Variants in SLC10A7 observed in about 807,000 individuals in gnomAD.
The protein encoded by SLC10A7 is sodium/bile acid cotransporter 7.
In SLC10A7, 29 loss-of-function variants were observed where a neutral mutation model predicts 43.2. That is an observed-to-expected ratio of 0.67 (90% CI 0.50 to 0.92). The LOEUF is 0.92. Among genes scored for constraint, SLC10A7 ranks in the 40% least tolerant of loss-of-function variants. The probability of loss-of-function intolerance (pLI) is 0.00; values close to 1 mark genes in which losing one functional copy is unlikely to be tolerated. For missense variants in SLC10A7, 295 were observed against 403.2 expected, an observed-to-expected ratio of 0.73 and a Z score of 2.30; for synonymous variants, 152 against 144.8, an observed-to-expected ratio of 1.05 and a Z score of -0.35.
At chr4:146,517,254 G>C in intron 1 of SLC10A7, 134 bp from the exon 2 acceptor site, 1 of 558,732 alleles carries the variant, frequency 1.8e-6, no homozygotes, top group Non-Finnish European at 3.1e-6. Flanking sequence ...CTTGAGGCCA[G>C]GAGTTCAAGA....
intron 4 of SLC10A7, among the ~76,000 whole-genome samples, chr4:146,480,338 G>A (rs1734363827): frequency 6.6e-6 from 1 of 151,648 alleles, no homozygotes; most frequent in African/African-American, 2.4e-5. Flanking sequence ...TATATAAATT[G>A]TGCTTCAGTT....
chr4:146,278,849 C>T (rs1274703513), intron 10 of SLC10A7, among the ~76,000 whole-genome samples: 1 of 152,096 alleles, frequency 6.6e-6, no homozygotes, highest in Admixed American at 6.6e-5. Flanking sequence ...GGAATCCAGA[C>T]TAGAATCAGG....
intron 4 of SLC10A7, among the ~76,000 whole-genome samples, chr4:146,497,753 C>G (rs1474301454): frequency 1.3e-5 from 2 of 152,118 alleles, no homozygotes; most frequent in Non-Finnish European, 2.9e-5. Context: ...ACATAACTCC[C>G]TCTCCAAACA....
chr4:146,516,546 T>C (rs1414453159), intron 2 of SLC10A7, among the ~76,000 whole-genome samples: 1 of 150,984 alleles, frequency 6.6e-6, no homozygotes, highest in African/African-American at 2.4e-5. Flanking sequence ...ATATTTCTCT[T>C]AAGACATCTA....
intron 5 of SLC10A7, among the ~76,000 whole-genome samples, chr4:146,330,393 C>A (rs1003064939): frequency 2.6e-5 from 4 of 152,154 alleles, no homozygotes; most frequent in African/African-American, 9.7e-5. Flanking sequence ...TTAAAATTGA[C>A]TTTTTAGATT....
chr4:146,501,021 C>G (rs1560970600), intron 4 of SLC10A7, among the ~76,000 whole-genome samples: 2 of 152,226 alleles, frequency 1.3e-5, no homozygotes, highest in Non-Finnish European at 2.9e-5. Context: ...CAGTGCTCCC[C>G]TCTTTTTCCT....
In SLC10A7 at chr4:146,517,125, A is replaced by G. The variant is rs1738080227; in HGVS notation, c.101-5T>C. The G allele has an allele frequency of 1.9e-6, 3 of 1,586,396 alleles. No homozygotes were observed. Among genetic ancestry groups the G allele is most frequent in the Non-Finnish European group, 2.6e-6 (3 of 1,165,998 alleles). ...TTATTTCTGGCTTCAGTGGTCCTAAAAAGAGAAAAAAGAGTTATTGCTAGA... is the reference window on the plus strand; with the variant it reads ...TTATTTCTGGCTTCAGTGGTCCTAAGAAGAGAAAAAAGAGTTATTGCTAGA... On this transcript the variant is annotated splice_region_variant and splice_polypyrimidine_tract_variant and intron_variant, in intron 1 of 11. Coordinates refer to ENST00000335472, the MANE Select transcript of SLC10A7 (RefSeq NM_001029998.6).
At chr4:146,346,028 C>T (rs749346431) in intron 5 of SLC10A7, among the ~76,000 whole-genome samples, 1 of 152,112 alleles carries the variant, frequency 6.6e-6, no homozygotes, top group Non-Finnish European at 1.5e-5. Flanking sequence ...AGGATTTGGA[C>T]TCCAACAGTT....
intron 5 of SLC10A7, among the ~76,000 whole-genome samples, chr4:146,369,221 C>T (rs1227648682): frequency 6.6e-6 from 1 of 152,130 alleles, no homozygotes; most frequent in African/African-American, 2.4e-5. Flanking sequence ...ATCTGTGTGA[C>T]CCTAAACATG....
chr4:146,342,427 T>C (rs879815508), intron 5 of SLC10A7, among the ~76,000 whole-genome samples: 5 of 151,410 alleles, frequency 3.3e-5, no homozygotes, highest in Non-Finnish European at 7.4e-5. Flanking sequence ...GAACAGCAAA[T>C]ACAAGAAAAA....
intron 5 of SLC10A7, among the ~76,000 whole-genome samples, chr4:146,432,102 T>C (rs1729824276): frequency 6.6e-6 from 1 of 152,144 alleles, no homozygotes. Flanking sequence ...ACACACCTAT[T>C]AGAATGGCTA....
At chr4:146,306,436 T>G (rs1159910020) in intron 6 of SLC10A7, among the ~76,000 whole-genome samples, 3 of 152,176 alleles carry the variant, frequency 2.0e-5, no homozygotes, top group East Asian at 1.9e-4. Flanking sequence ...AGTTTCTAAC[T>G]TTCTGACTCC....
chr4:146,494,378 G>A (rs373776479), intron 4 of SLC10A7, among the ~76,000 whole-genome samples: 13 of 151,962 alleles, frequency 8.6e-5, no homozygotes, highest in Admixed American at 3.9e-4. Context: ...CTGGAGTTAC[G>A]TAAATACTTC....
chr4:146,411,163 CT>C (rs1180429091), intron 5 of SLC10A7, among the ~76,000 whole-genome samples: 2 of 152,064 alleles, frequency 1.3e-5, no homozygotes, highest in Non-Finnish European at 2.9e-5. Context: ...AGGATTGCTT[CT>C]GTTTTCCTTT....
At chr4:146,377,194 G>A (rs1221013658) in intron 5 of SLC10A7, among the ~76,000 whole-genome samples, 4 of 152,042 alleles carry the variant, frequency 2.6e-5, no homozygotes, top group Non-Finnish European at 4.4e-5. Context: ...CTAATTAGAC[G>A]GGGAGGAAAG....
At chr4:146,480,526 G>A (rs1242388007) in intron 4 of SLC10A7, among the ~76,000 whole-genome samples, 1 of 152,136 alleles carries the variant, frequency 6.6e-6, no homozygotes, top group African/African-American at 2.4e-5. Flanking sequence ...GGCATCTCAT[G>A]AGCCAAGAAT....
At chr4:146,403,451 A>G (rs1048527674) in intron 5 of SLC10A7, among the ~76,000 whole-genome samples, 19 of 152,238 alleles carry the variant, frequency 1.2e-4, no homozygotes, top group African/African-American at 4.3e-4. Flanking sequence ...ATCTTGGCCA[A>G]TGATTAGAGT....
At chr4:146,264,542 G>T (rs1728437479) in intron 10 of SLC10A7, among the ~76,000 whole-genome samples, 1 of 151,938 alleles carries the variant, frequency 6.6e-6, no homozygotes, top group South Asian at 2.1e-4. Flanking sequence ...TAGGTGGTAG[G>T]GATATCAGGA....
At chr4:146,305,671 C>G (rs1578840029) in intron 7 of SLC10A7, among the ~76,000 whole-genome samples, 2 of 151,748 alleles carry the variant, frequency 1.3e-5, no homozygotes, top group Non-Finnish European at 2.9e-5. Context: ...AAACAAAAAT[C>G]AAGACTCTGT....
Sources: allele counts gnomAD v4.1 joint callset (sites outside exome capture counted in the v4.1 genomes callset), GRCh38; gene constraint gnomAD v4.1.1; transcripts MANE v1.5; gene names NCBI Gene and HGNC (gene_info 2026-07-23, HGNC 2026-07-21).